GUCY1A2: variants seen among roughly 807,000 people sequenced by gnomAD.
The protein encoded by GUCY1A2 is guanylate cyclase soluble subunit alpha-2.
GUCY1A2 carries 27 observed loss-of-function variants against 63.5 expected under a neutral mutation model. The observed-to-expected ratio is 0.43, with a 90% CI of 0.31 to 0.59. GUCY1A2 has a LOEUF of 0.59. Among genes scored for constraint, GUCY1A2 ranks in the 20% least tolerant of loss-of-function variants. The pLI is 0.11. For synonymous variants in GUCY1A2, 364 were observed against 343.5 expected, an observed-to-expected ratio of 1.06 and a Z score of -0.66; for missense variants, 768 against 913.3, an observed-to-expected ratio of 0.84 and a Z score of 2.05.
intron 3 of GUCY1A2, among the ~76,000 whole-genome samples, chr11:106,967,176 T>C (rs1305476539): frequency 6.6e-6 from 1 of 152,208 alleles, no homozygotes; most frequent in Non-Finnish European, 1.5e-5. Context: ...GCTTGTTCTC[T>C]GGCTGAAATC....
At position 106,716,570 on chromosome 11, in the gene GUCY1A2, C is replaced by G. The variant is rs371441242; in HGVS notation, c.1837-7904G>C. On this transcript the variant is annotated intron_variant, in intron 6 of 7. Transcript: ENST00000526355. Reference sequence around the variant, plus strand: ...CTGACGCCACCCCCAGGTCCAGGAACAGACCCAAACTGGCAAGGGTATGAC... The same window carrying G: ...CTGACGCCACCCCCAGGTCCAGGAAGAGACCCAAACTGGCAAGGGTATGAC... Among the ~76,000 whole-genome samples, 15 of 152,008 alleles carry G rather than the reference C, an allele frequency of 9.9e-5. No individual in the cohort carries two copies. In the East Asian group the frequency reaches 2.7e-3, roughly 28 times the overall value.
At chr11:106,867,977 C>G (rs1189476476) in intron 4 of GUCY1A2, among the ~76,000 whole-genome samples, 1 of 151,836 alleles carries the variant, frequency 6.6e-6, no homozygotes, top group Non-Finnish European at 1.5e-5. Context: ...AAATACACAC[C>G]CCAACCCCCA....
intron 1 of GUCY1A2, among the ~76,000 whole-genome samples, chr11:107,011,440 C>G (rs1281940573): frequency 1.5e-4 from 23 of 150,398 alleles, no homozygotes; most frequent in Non-Finnish European, 1.5e-5. Context: ...AGTACTTCAC[C>G]TATGCATCTT....
At chr11:106,982,256 GA>G (rs1165706193) in intron 2 of GUCY1A2, among the ~76,000 whole-genome samples, 4 of 152,034 alleles carry the variant, frequency 2.6e-5, no homozygotes, top group African/African-American at 4.8e-5. Context: ...AATTATATCA[GA>G]AAAAAAGTAC....
intron 1 of GUCY1A2, among the ~76,000 whole-genome samples, chr11:106,996,204 G>A (rs1175678365): frequency 6.6e-6 from 1 of 152,158 alleles, no homozygotes; most frequent in Admixed American, 6.5e-5. Context: ...AACAAAGGGA[G>A]GATATGGAGG....
intron 4 of GUCY1A2, among the ~76,000 whole-genome samples, chr11:106,899,956 G>A (rs1448039467): frequency 2.6e-5 from 4 of 151,954 alleles, no homozygotes; most frequent in Non-Finnish European, 5.9e-5. Context: ...CATGGTAGCA[G>A]GCGCCTGCAG....
chr11:106,807,487 G>A (rs1247727343), intron 5 of GUCY1A2, among the ~76,000 whole-genome samples: 1 of 152,050 alleles, frequency 6.6e-6, no homozygotes, highest in Non-Finnish European at 1.5e-5. Context: ...TATGGATTTA[G>A]CATATATTGT....
intron 4 of GUCY1A2, among the ~76,000 whole-genome samples, chr11:106,922,578 T>TA (rs1860460270): frequency 6.7e-6 from 1 of 148,948 alleles, no homozygotes; most frequent in Non-Finnish European, 1.5e-5. Flanking sequence ...TTTTAAAAAA[T>TA]CTATACTTCA....
Position 107,018,064 on chromosome 11 carries a change from C to T in GUCY1A2, c.-9G>A. 1 of 1,444,156 alleles carries T rather than the reference C, an allele frequency of 6.9e-7. No homozygotes were observed. The highest frequency in any genetic ancestry group is 9.2e-7 in the Non-Finnish European group (1 of 1,085,138). The allele number at this position is 1,444,156 out of a possible 1,614,324, so 89.5% of individuals were successfully genotyped here. On this transcript the variant is annotated 5_prime_UTR_variant, in exon 1 of 8. Transcript: ENST00000526355. ...ATCTTCCTTCGAGACATGCTGCCGGCGGAGCTGCAGCGGCCGAGGCGGTGG... is the reference window on the plus strand; with the variant it reads ...ATCTTCCTTCGAGACATGCTGCCGGTGGAGCTGCAGCGGCCGAGGCGGTGG...
At chr11:106,797,881 T>C (rs1864795315) in intron 5 of GUCY1A2, among the ~76,000 whole-genome samples, 1 of 151,794 alleles carries the variant, frequency 6.6e-6, no homozygotes, top group Non-Finnish European at 1.5e-5. Flanking sequence ...GCAAACACAT[T>C]CAAAAGCTAG....
At chr11:106,991,028 C>T (rs1861463721) in intron 1 of GUCY1A2, among the ~76,000 whole-genome samples, 1 of 152,124 alleles carries the variant, frequency 6.6e-6, no homozygotes, top group African/African-American at 2.4e-5. Flanking sequence ...CTTGCTCTGT[C>T]GCCCAAGCTG....
chr11:106,983,825 C>T (rs1861367307), intron 2 of GUCY1A2, among the ~76,000 whole-genome samples: 1 of 152,176 alleles, frequency 6.6e-6, no homozygotes, highest in East Asian at 1.9e-4. Flanking sequence ...TCGGCACTTA[C>T]TCTCAATTCT....
At chr11:106,860,643 G>A (rs1208661124) in intron 4 of GUCY1A2, among the ~76,000 whole-genome samples, 1 of 151,918 alleles carries the variant, frequency 6.6e-6, no homozygotes, top group Admixed American at 6.6e-5. Flanking sequence ...TTACGTGCCT[G>A]GTGACCCAGA....
intron 3 of GUCY1A2, among the ~76,000 whole-genome samples, chr11:106,949,998 AT>A (rs1398007701): frequency 6.6e-6 from 1 of 152,096 alleles, no homozygotes; most frequent in Non-Finnish European, 1.5e-5. Flanking sequence ...TGCATACATG[AT>A]TTTTCCATTG....
chr11:106,721,855 C>A (rs1863322377), intron 6 of GUCY1A2, among the ~76,000 whole-genome samples: 1 of 152,190 alleles, frequency 6.6e-6, no homozygotes, highest in Admixed American at 6.5e-5. Flanking sequence ...CCTCCTCAGC[C>A]CCACTGAAGT....
At chr11:106,796,357 A>C (rs996825985) in intron 5 of GUCY1A2, among the ~76,000 whole-genome samples, 1 of 152,128 alleles carries the variant, frequency 6.6e-6, no homozygotes, top group South Asian at 2.1e-4. Context: ...TTATGAATTT[A>C]GCTGGTTATT....
intron 4 of GUCY1A2, among the ~76,000 whole-genome samples, chr11:106,867,144 C>A (rs1324980997): frequency 6.6e-6 from 1 of 151,992 alleles, no homozygotes; most frequent in Admixed American, 6.6e-5. Context: ...TCTGGTGGTT[C>A]TCAAAGAGAG....
chr11:106,818,879 G>A (rs1231404671), intron 4 of GUCY1A2, among the ~76,000 whole-genome samples: 1 of 152,134 alleles, frequency 6.6e-6, no homozygotes, highest in Non-Finnish European at 1.5e-5. Context: ...TCCAGAGAAA[G>A]GCGGCCTTAG....
intron 1 of GUCY1A2, among the ~76,000 whole-genome samples, chr11:107,008,365 A>G (rs1482190115): frequency 6.6e-6 from 1 of 152,146 alleles, no homozygotes; most frequent in Non-Finnish European, 1.5e-5. Context: ...TGAAGTCCCA[A>G]TAAAATGTCA....
Sources: gnomAD v4.1 joint callset for allele counts (sites outside exome capture counted in the v4.1 genomes callset) on GRCh38, gnomAD v4.1.1 for gene constraint, MANE v1.5 for transcripts, NCBI Gene and HGNC (gene_info 2026-07-23, HGNC 2026-07-21) for gene names.